PCSK5: variants seen among roughly 807,000 people sequenced by gnomAD.
PCSK5 encodes the protein prohormone convertase 5.
In PCSK5, 129 loss-of-function variants were observed where a neutral mutation model predicts 233.2. That is an observed-to-expected ratio of 0.55 (90% CI 0.48 to 0.64). The LOEUF (loss-of-function observed/expected upper bound fraction) is 0.64. Ranked by LOEUF, PCSK5 falls within the 30% of genes least tolerant of loss-of-function variation. The pLI is 0.00. For missense variants in PCSK5, 2,076 were observed against 2,430.1 expected (o/e 0.85, Z 3.06); for synonymous variants, 825 against 879.2 (o/e 0.94, Z 1.09).
chr9:76,037,156 G>T (rs1291408256), intron 5 of PCSK5, among the ~76,000 whole-genome samples: 1 of 152,176 alleles, frequency 6.6e-6, no homozygotes, highest in Admixed American at 6.5e-5. Context: ...TCAGAGCTTG[G>T]AATAGCAAGG....
intron 8 of PCSK5, among the ~76,000 whole-genome samples, chr9:76,104,003 A>G (rs1054249934): frequency 5.3e-5 from 8 of 152,212 alleles, no homozygotes; most frequent in Admixed American, 1.3e-4. Context: ...CGACTGTTGA[A>G]TGCAACTTGC....
At chr9:76,021,910 T>C (rs981031396) in intron 3 of PCSK5, among the ~76,000 whole-genome samples, 6 of 152,172 alleles carry the variant, frequency 3.9e-5, no homozygotes, top group African/African-American at 9.7e-5. Context: ...CCCTGTTCTC[T>C]AAGCTCCAAC....
intron 10 of PCSK5, among the ~76,000 whole-genome samples, chr9:76,151,805 G>A (rs886229984): frequency 6.6e-6 from 1 of 152,108 alleles, no homozygotes; most frequent in Non-Finnish European, 1.5e-5. Context: ...ATGCAGTTTG[G>A]TGCTTTTAAT....
rs192851118 is a variant in PCSK5 at position 76,057,676 on chromosome 9, G to A, written c.633-10279G>A. On this transcript the variant is annotated intron_variant, in intron 5 of 37. Coordinates refer to ENST00000674117, the MANE Select transcript of PCSK5 (RefSeq NM_001372043.1). ...TTATTCACTCAGGAACAGTCACTAC[G>A]TATTAATGATGCATGTAATCTGTGC... 3.2e-3 allele frequency among the ~76,000 whole-genome samples: 480 copies of A among 152,178 alleles called. 2 individuals are homozygous for A. The highest frequency in any genetic ancestry group is 0.01 in the African/African-American group (433 of 41,516).
chr9:76,054,431 C>G (rs1440414337), intron 5 of PCSK5, among the ~76,000 whole-genome samples: 1 of 152,130 alleles, frequency 6.6e-6, no homozygotes, highest in Non-Finnish European at 1.5e-5. Flanking sequence ...AGCTATTTTC[C>G]TAGACTGGGG....
chr9:75,999,175 A>G (rs371927444), intron 3 of PCSK5, among the ~76,000 whole-genome samples: 24 of 152,224 alleles, frequency 1.6e-4, no homozygotes, highest in Middle Eastern at 6.8e-3. Flanking sequence ...CCCATCACCT[A>G]CATTAGGTGT....
chr9:76,313,230 G>C (rs1828916587), intron 30 of PCSK5, among the ~76,000 whole-genome samples: 1 of 152,142 alleles, frequency 6.6e-6, no homozygotes, highest in East Asian at 1.9e-4. Flanking sequence ...CTATCACTCA[G>C]TGCTGCCTTC....
intron 7 of PCSK5, among the ~76,000 whole-genome samples, chr9:76,078,461 A>G (rs1000714937): frequency 5.9e-5 from 9 of 152,096 alleles, no homozygotes; most frequent in Non-Finnish European, 4.4e-5. Context: ...GTATATGGTG[A>G]AAGGTAGGGG....
intron 4 of PCSK5, among the ~76,000 whole-genome samples, chr9:76,024,248 C>G (rs1456742270): frequency 6.6e-6 from 1 of 152,194 alleles, no homozygotes; most frequent in East Asian, 1.9e-4. Context: ...CTCCAGTTAT[C>G]TGCTGGTCTT....
In PCSK5 at chr9:76,328,157, G is replaced by A. The variant is rs769978306; in HGVS notation, c.4488G>A (p.Lys1496=). The change falls in exon 33 of 38, where the codon AAG becomes AAA. Residue 1496 remains lysine (K), a synonymous_variant. Coordinates refer to ENST00000674117, the MANE Select transcript of PCSK5 (RefSeq NM_001372043.1). ...EYWDEDAPGC[K]PCHVKCFHCM... ...GGGATGAGGATGCTCCCGGGTGCAA[G>A]CCCTGCCATGTTAAGTGCTTCCACT... 4 of 1,612,832 alleles carry A rather than the reference G, an allele frequency of 2.5e-6. No individual in the cohort carries two copies. Among genetic ancestry groups the A allele is most frequent in the East Asian group, 2.2e-5 (1 of 44,884 alleles).
chr9:75,924,323 G>A (rs1823383710), intron 1 of PCSK5, among the ~76,000 whole-genome samples: 1 of 152,104 alleles, frequency 6.6e-6, no homozygotes, highest in Non-Finnish European at 1.5e-5. Flanking sequence ...AAGGAATCAA[G>A]GATACTCTGA....
At chr9:76,262,712 C>A (rs1449228797) in intron 24 of PCSK5, among the ~76,000 whole-genome samples, 8 of 150,930 alleles carry the variant, frequency 5.3e-5, no homozygotes, top group Non-Finnish European at 1.2e-4. Flanking sequence ...AGGACATAGG[C>A]ATGGGCAAGG....
chr9:75,930,786 T>C (rs1223895763), intron 1 of PCSK5, among the ~76,000 whole-genome samples: 1 of 152,228 alleles, frequency 6.6e-6, no homozygotes, highest in Admixed American at 6.5e-5. Flanking sequence ...ATGACAACTC[T>C]AAGCTTCTTG....
chr9:76,193,414 AAAAAAGCCAAAAAG>A, intron 20 of PCSK5: 2 of 1,054,750 alleles, frequency 1.9e-6, no homozygotes, highest in Non-Finnish European at 2.4e-6. Context: ...TATTAAAAAG[AAAAAAGCCAAAAAG>A]AAAAAAAAAA....
At chr9:76,343,404 T>G (rs1829893838) in intron 35 of PCSK5, among the ~76,000 whole-genome samples, 1 of 151,322 alleles carries the variant, frequency 6.6e-6, no homozygotes, top group Admixed American at 6.6e-5. Context: ...GGTTTCACCA[T>G]GTTGGCCAGG....
intron 20 of PCSK5, among the ~76,000 whole-genome samples, chr9:76,211,309 G>C (rs1055616543): frequency 6.6e-6 from 1 of 152,046 alleles, no homozygotes; most frequent in African/African-American, 2.4e-5. Flanking sequence ...ATCATCCCTG[G>C]GTATTGCTTT....
intron 3 of PCSK5, among the ~76,000 whole-genome samples, chr9:76,016,237 G>A (rs1307128559): frequency 6.6e-6 from 1 of 152,254 alleles, no homozygotes; most frequent in Non-Finnish European, 1.5e-5. Flanking sequence ...ACCAACCATA[G>A]TGGGCTGTTT....
intron 24 of PCSK5, among the ~76,000 whole-genome samples, chr9:76,267,726 T>C (rs910577261): frequency 6.6e-6 from 1 of 152,176 alleles, no homozygotes; most frequent in Non-Finnish European, 1.5e-5. Flanking sequence ...TGTTTCCCCA[T>C]GAACCATTTA....
intron 7 of PCSK5, among the ~76,000 whole-genome samples, chr9:76,085,837 GA>G (rs1346734086): frequency 6.6e-6 from 1 of 152,190 alleles, no homozygotes; most frequent in East Asian, 1.9e-4. Context: ...CACAGTGAGA[GA>G]TTTCATAATC....
Sources: allele counts gnomAD v4.1 joint callset (sites outside exome capture counted in the v4.1 genomes callset), GRCh38; gene constraint gnomAD v4.1.1; transcripts MANE v1.5; gene names NCBI Gene and HGNC (gene_info 2026-07-23, HGNC 2026-07-21).